The following RAB3GAP1 variants were observed in gnomAD, a reference collection of about 807,000 sequenced individuals.
The protein encoded by RAB3GAP1 is rab3 GTPase-activating protein catalytic subunit.
A neutral mutation model predicts 130.7 loss-of-function variants in RAB3GAP1; 86 were observed. The ratio of observed to expected loss-of-function variants is 0.66; its 90% CI spans 0.55 to 0.79. RAB3GAP1 has a LOEUF of 0.79. Ranked by LOEUF, RAB3GAP1 falls within the 30% of genes least tolerant of loss-of-function variation. RAB3GAP1 has a pLI of 0.00. For missense variants in RAB3GAP1, 1,029 were observed against 1,169.4 expected (o/e 0.88, Z 1.75); for synonymous variants, 367 against 401.7 (o/e 0.91, Z 1.03).
intron 6 of RAB3GAP1, among the ~76,000 whole-genome samples, chr2:135,114,111 GT>G (rs917032782): frequency 6.6e-6 from 1 of 152,064 alleles, no homozygotes; most frequent in Non-Finnish European, 1.5e-5. Context: ...ATATCTGCAT[GT>G]TTTTATACTG....
chr2:135,113,948 C>T (rs1194924059), intron 6 of RAB3GAP1, among the ~76,000 whole-genome samples: 1 of 152,058 alleles, frequency 6.6e-6, no homozygotes, highest in Non-Finnish European at 1.5e-5. Context: ...TGGGGTTTCA[C>T]TATGTTGGCC....
chr2:135,130,735 C>A lies in RAB3GAP1; in HGVS notation c.1236+14C>A. On this transcript the variant is annotated intron_variant, in intron 13 of 23. Transcript: ENST00000264158. ...ACTATTCTCCTGGTAACTAAATGTT[C>A]TGTCTTTATAGGTCTATATGCAGAA... is the stretch of plus-strand genomic sequence containing the variant. 1.2e-6 allele frequency: 2 copies of A among 1,602,100 alleles called. No individual in the cohort carries two copies. The highest frequency in any genetic ancestry group is 1.7e-6 in the Non-Finnish European group (2 of 1,169,410).
chr2:135,074,340 A>G (rs1182700115), intron 3 of RAB3GAP1, among the ~76,000 whole-genome samples: 1 of 152,158 alleles, frequency 6.6e-6, no homozygotes, highest in Non-Finnish European at 1.5e-5. Context: ...GACAGGAGAG[A>G]GCCTTCCTCC....
intron 3 of RAB3GAP1, among the ~76,000 whole-genome samples, chr2:135,068,318 G>C (rs907185113): frequency 2.0e-4 from 30 of 152,086 alleles, no homozygotes; most frequent in African/African-American, 7.0e-4. Flanking sequence ...TTAATGATTT[G>C]CTTGCCATTT....
At chr2:135,105,284 C>G (rs1264045913) in intron 5 of RAB3GAP1, among the ~76,000 whole-genome samples, 2 of 144,314 alleles carry the variant, frequency 1.4e-5, no homozygotes, top group South Asian at 2.4e-4. Flanking sequence ...GATGCCAAGC[C>G]GAACCTGGAC....
intron 22 of RAB3GAP1, 50 bp downstream of exon 22, chr2:135,163,151 C>T (rs761373767): frequency 6.2e-6 from 8 of 1,284,688 alleles, no homozygotes; most frequent in Non-Finnish European, 8.0e-6. Flanking sequence ...GAAAAGCCAC[C>T]ACTCTCTTAA....
intron 3 of RAB3GAP1, among the ~76,000 whole-genome samples, chr2:135,071,698 A>G (rs1689476506): frequency 6.6e-6 from 1 of 152,126 alleles, no homozygotes; most frequent in East Asian, 1.9e-4. Flanking sequence ...CTCCCCTTCC[A>G]TGTTGTTGTT....
chr2:135,054,972 A>G lies in RAB3GAP1; in HGVS notation c.74+2487A>G, dbSNP rs759910944. Among the ~76,000 whole-genome samples, 40 of 152,364 alleles carry G rather than the reference A, an allele frequency of 2.6e-4. 1 individual carries two copies. The highest frequency in any genetic ancestry group is 3.4e-3 in the Middle Eastern group (1 of 294). On this transcript the variant is annotated intron_variant, in intron 2 of 23. Coordinates refer to ENST00000264158, the MANE Select transcript of RAB3GAP1 (RefSeq NM_012233.3). ...AGATAATTTATTGAGAGAACTGTAT[A>G]GAAGCCCATAACTCTTTTTATCATT...
At chr2:135,146,401 G>A (rs1452060593) in intron 17 of RAB3GAP1, among the ~76,000 whole-genome samples, 1 of 151,868 alleles carries the variant, frequency 6.6e-6, no homozygotes, top group Non-Finnish European at 1.5e-5. Flanking sequence ...TAATAGAAAT[G>A]GGATTTCACC....
intron 3 of RAB3GAP1, among the ~76,000 whole-genome samples, chr2:135,073,437 G>A (rs2104845347): frequency 6.6e-6 from 1 of 152,334 alleles, no homozygotes; most frequent in East Asian, 1.9e-4. Context: ...CTCAGCTCAA[G>A]GCCATCAGTG....
At chr2:135,110,898 G>C (rs903372347) in intron 5 of RAB3GAP1, among the ~76,000 whole-genome samples, 5 of 152,152 alleles carry the variant, frequency 3.3e-5, no homozygotes, top group African/African-American at 1.2e-4. Context: ...AGAAACTGTT[G>C]ACAGTGATTT....
At chr2:135,146,749 G>A (rs562229476) in intron 17 of RAB3GAP1, among the ~76,000 whole-genome samples, 1 of 152,166 alleles carries the variant, frequency 6.6e-6, no homozygotes, top group African/African-American at 2.4e-5. Context: ...AACATTTTTT[G>A]TGTGCATTCT....
intron 7 of RAB3GAP1, among the ~76,000 whole-genome samples, chr2:135,119,907 A>T (rs984695221): frequency 1.3e-5 from 2 of 152,234 alleles, no homozygotes; most frequent in Non-Finnish European, 2.9e-5. Flanking sequence ...AGCTGAGGTC[A>T]TAGGATGTTT....
intron 1 of RAB3GAP1, 26 bp downstream of exon 1, chr2:135,052,351 C>A: frequency 6.2e-7 from 1 of 1,614,124 alleles, no homozygotes; most frequent in South Asian, 1.1e-5. Flanking sequence ...CCTACTTAAT[C>A]CTTGTCACTA....
intron 17 of RAB3GAP1, among the ~76,000 whole-genome samples, chr2:135,142,981 T>C (rs1378083119): frequency 6.6e-6 from 1 of 151,964 alleles, no homozygotes; most frequent in Non-Finnish European, 1.5e-5. Context: ...CTTTTTCTCT[T>C]CTCTGGACAA....
chr2:135,145,609 T>C (rs564032416), intron 17 of RAB3GAP1, among the ~76,000 whole-genome samples: 2 of 152,330 alleles, frequency 1.3e-5, no homozygotes, highest in South Asian at 4.1e-4. Flanking sequence ...ATTTAATCTT[T>C]CTTTGCCTTA....
At chr2:135,100,547 G>C (rs1690421790) in intron 5 of RAB3GAP1, among the ~76,000 whole-genome samples, 3 of 152,190 alleles carry the variant, frequency 2.0e-5, no homozygotes, top group Admixed American at 1.3e-4. Context: ...AGGAGGGCCT[G>C]TGTCATGTTA....
At chr2:135,155,121 A>G (rs1392744177) in intron 19 of RAB3GAP1, among the ~76,000 whole-genome samples, 5 of 152,216 alleles carry the variant, frequency 3.3e-5, no homozygotes, top group African/African-American at 9.6e-5. Flanking sequence ...TAAGGAGGAT[A>G]TGAAAAAACC....
chr2:135,053,683 A>C (rs1688938885), intron 2 of RAB3GAP1, among the ~76,000 whole-genome samples: 1 of 152,228 alleles, frequency 6.6e-6, no homozygotes, highest in African/African-American at 2.4e-5. Flanking sequence ...CCACACTGGC[A>C]AGACTTCATT....
Sources: gnomAD v4.1 joint callset for allele counts (sites outside exome capture counted in the v4.1 genomes callset) on GRCh38, gnomAD v4.1.1 for gene constraint, MANE v1.5 for transcripts, NCBI Gene and HGNC (gene_info 2026-07-23, HGNC 2026-07-21) for gene names.